ARFIP1: variants seen among roughly 807,000 people sequenced by gnomAD.
ARFIP1 encodes ARF interacting protein 1, also known as arfaptin-1.
A neutral mutation model predicts 42.5 loss-of-function variants in ARFIP1; 24 were observed. The observed-to-expected ratio is 0.57, with a 90% CI of 0.41 to 0.80. The LOEUF (loss-of-function observed/expected upper bound fraction) is 0.80, where lower values mean the gene tolerates loss of function less well. Ranked by LOEUF, ARFIP1 falls within the 30% of genes least tolerant of loss-of-function variation. ARFIP1 has a pLI of 0.00. For missense variants in ARFIP1, 354 were observed against 434.0 expected (o/e 0.82, Z 1.64); for synonymous variants, 141 against 153.7 (o/e 0.92, Z 0.61).
chr4:152,870,078 A>G (rs765559500), intron 3 of ARFIP1, among the ~76,000 whole-genome samples: 5 of 152,254 alleles, frequency 3.3e-5, no homozygotes, highest in African/African-American at 1.2e-4. Flanking sequence ...CAAAGTACAT[A>G]CAAATCACCT....
At chr4:152,821,637 A>G (rs1294367330) in intron 1 of ARFIP1, among the ~76,000 whole-genome samples, 1 of 152,224 alleles carries the variant, frequency 6.6e-6, no homozygotes, top group African/African-American at 2.4e-5. Flanking sequence ...AAAGAAGCTT[A>G]AAGAACTCCT....
At chr4:152,797,685 T>C (rs991567402) in intron 1 of ARFIP1, among the ~76,000 whole-genome samples, 5 of 152,222 alleles carry the variant, frequency 3.3e-5, no homozygotes, top group African/African-American at 1.2e-4. Context: ...TTCCTAACTA[T>C]TTAGTCTTTT....
intron 1 of ARFIP1, among the ~76,000 whole-genome samples, chr4:152,795,071 C>G (rs1177127997): frequency 2.0e-5 from 3 of 152,104 alleles, no homozygotes; most frequent in East Asian, 1.9e-4. Context: ...CTACTCTGTT[C>G]CCAAGCCCTT....
intron 1 of ARFIP1, among the ~76,000 whole-genome samples, chr4:152,828,111 A>C (rs1730981093): frequency 6.6e-6 from 1 of 152,154 alleles, no homozygotes; most frequent in Admixed American, 6.5e-5. Flanking sequence ...GGGTCTCTTG[A>C]TTGCTTCCAA....
At chr4:152,808,092 T>TAGGA (rs1450229232) in intron 1 of ARFIP1, among the ~76,000 whole-genome samples, 7 of 152,080 alleles carry the variant, frequency 4.6e-5, no homozygotes, top group African/African-American at 1.7e-4. Flanking sequence ...GTGATTCTCC[T>TAGGA]GCCTCAGCCT....
chr4:152,812,299 A>G (rs1313436608), intron 1 of ARFIP1, among the ~76,000 whole-genome samples: 3 of 152,138 alleles, frequency 2.0e-5, no homozygotes, highest in African/African-American at 7.2e-5. Context: ...GGGTTAAGCA[A>G]TCCTTCCACC....
chr4:152,885,891 T>G (rs1736219355), intron 7 of ARFIP1, among the ~76,000 whole-genome samples: 1 of 152,022 alleles, frequency 6.6e-6, no homozygotes, highest in Non-Finnish European at 1.5e-5. Flanking sequence ...TATCAGTTAT[T>G]ACCAGGTATC....
chr4:152,902,198 T>C (rs1737893854), intron 8 of ARFIP1, among the ~76,000 whole-genome samples: 1 of 152,222 alleles, frequency 6.6e-6, no homozygotes, highest in Non-Finnish European at 1.5e-5. Flanking sequence ...TTCAACTGTA[T>C]CATGGACTTA....
chr4:152,781,854 G>T (rs775855914), intron 1 of ARFIP1, among the ~76,000 whole-genome samples: 1 of 152,078 alleles, frequency 6.6e-6, no homozygotes, highest in Non-Finnish European at 1.5e-5. Context: ...ATGGCCTAAG[G>T]GTCAACAACT....
At chr4:152,808,316 T>TTTTTTTTTTTTTTTTTTTTTTTTC (rs1554022728) in intron 1 of ARFIP1, among the ~76,000 whole-genome samples, 1 of 130,870 alleles carries the variant, frequency 7.6e-6, no homozygotes, top group Non-Finnish European at 1.6e-5. Flanking sequence ...TTTTTTTTTT[T>TTTTTTTTTTTTTTTTTTTTTTTTC]TGTAGCAGTA....
At chr4:152,825,965 AC>A (rs1730801636) in intron 1 of ARFIP1, among the ~76,000 whole-genome samples, 1 of 152,136 alleles carries the variant, frequency 6.6e-6, no homozygotes, top group Non-Finnish European at 1.5e-5. Context: ...ATACCACCTT[AC>A]CCCACCCAGA....
At chr4:152,909,513 T>C (rs1738667559) in intron 8 of ARFIP1, among the ~76,000 whole-genome samples, 1 of 152,216 alleles carries the variant, frequency 6.6e-6, no homozygotes, top group Non-Finnish European at 1.5e-5. Flanking sequence ...ACTCTTGATA[T>C]CAGCAGAAGT....
At chr4:152,812,640 G>C (rs906437298) in intron 1 of ARFIP1, among the ~76,000 whole-genome samples, 16 of 152,184 alleles carry the variant, frequency 1.1e-4, no homozygotes, top group Non-Finnish European at 1.6e-4. Flanking sequence ...AATTCCAAAT[G>C]AACTGGTGGA....
intron 5 of ARFIP1, among the ~76,000 whole-genome samples, chr4:152,875,930 G>A (rs557364323): frequency 2.6e-5 from 4 of 152,148 alleles, no homozygotes; most frequent in Admixed American, 2.0e-4. Flanking sequence ...GGGTTTATCA[G>A]GGGTTTCTGC....
rs1738735521 is a variant in ARFIP1 at position 152,910,221 on chromosome 4, A to G, written c.*2A>G. 6.2e-7 allele frequency: 1 copy of G among 1,607,088 alleles called. No homozygotes were observed. On this transcript the variant is annotated 3_prime_UTR_variant, in exon 9 of 9. Transcript: ENST00000353617. ...CCATCTTGGCTTGAAGAACAGTAAAATCACAGCGGAAAATAAAAAGAAAGT... is the reference window on the plus strand; with the variant it reads ...CCATCTTGGCTTGAAGAACAGTAAAGTCACAGCGGAAAATAAAAAGAAAGT...
At chr4:152,811,201 G>A (rs1729436274) in intron 1 of ARFIP1, among the ~76,000 whole-genome samples, 1 of 150,192 alleles carries the variant, frequency 6.7e-6, no homozygotes, top group Non-Finnish European at 1.5e-5. Context: ...CTGTGTGCCG[G>A]CTACCCTTCA....
At chr4:152,819,481 G>A (rs970780279) in intron 1 of ARFIP1, among the ~76,000 whole-genome samples, 7 of 152,156 alleles carry the variant, frequency 4.6e-5, no homozygotes, top group Non-Finnish European at 1.0e-4. Context: ...TAGAGGACAG[G>A]TTACGTCACT....
At chr4:152,884,907 T>TA (rs760797907) in intron 7 of ARFIP1, among the ~76,000 whole-genome samples, 1 of 152,060 alleles carries the variant, frequency 6.6e-6, no homozygotes, top group Non-Finnish European at 1.5e-5. Flanking sequence ...TAAATCAAGT[T>TA]ACATGTACTT....
At chr4:152,902,376 C>A (rs1217349546) in intron 8 of ARFIP1, among the ~76,000 whole-genome samples, 1 of 152,112 alleles carries the variant, frequency 6.6e-6, no homozygotes, top group Non-Finnish European at 1.5e-5. Context: ...GTGATGCGCA[C>A]CATTATTCCT....
Sources: gnomAD v4.1 joint callset for allele counts (sites outside exome capture counted in the v4.1 genomes callset) on GRCh38, gnomAD v4.1.1 for gene constraint, MANE v1.5 for transcripts, NCBI Gene and HGNC (gene_info 2026-07-23, HGNC 2026-07-21) for gene names.